The following MAP3K9 variants were observed in gnomAD, a reference collection of about 807,000 sequenced individuals.
MAP3K9 encodes mitogen-activated protein kinase kinase kinase 9.
Under a neutral mutation model 95.8 loss-of-function variants are expected in MAP3K9, and 46 were observed. That is an observed-to-expected ratio of 0.48 (90% confidence interval 0.38 to 0.61). The LOEUF (loss-of-function observed/expected upper bound fraction) is 0.61. Ranked by LOEUF, MAP3K9 falls within the 20% of genes least tolerant of loss-of-function variation. The probability of loss-of-function intolerance (pLI) is 0.00; values close to 1 mark genes in which losing one functional copy is unlikely to be tolerated. For missense variants in MAP3K9, 1,296 were observed against 1,474.3 expected, an observed-to-expected ratio of 0.88 and a Z score of 1.98; for synonymous variants, 533 against 593.8, an observed-to-expected ratio of 0.90 and a Z score of 1.49.
At chr14:70,767,262 T>C (rs1339228297) in intron 2 of MAP3K9, among the ~76,000 whole-genome samples, 1 of 151,778 alleles carries the variant, frequency 6.6e-6, no homozygotes, top group Non-Finnish European at 1.5e-5. Flanking sequence ...CACACACTTG[T>C]AGTCCCAGCT....
chr14:70,747,093 T>C (rs2054157831), intron 5 of MAP3K9, among the ~76,000 whole-genome samples: 1 of 152,254 alleles, frequency 6.6e-6, no homozygotes. Flanking sequence ...CTATGTTCCA[T>C]AAAAAGAGTT....
intron 2 of MAP3K9, among the ~76,000 whole-genome samples, chr14:70,771,704 T>C (rs1038128977): frequency 6.6e-6 from 1 of 152,162 alleles, no homozygotes; most frequent in African/African-American, 2.4e-5. Flanking sequence ...ACCATCCATC[T>C]GAGCTGAAGA....
intron 2 of MAP3K9, among the ~76,000 whole-genome samples, chr14:70,771,013 C>A (rs571391477): frequency 6.6e-6 from 1 of 151,548 alleles, no homozygotes; most frequent in South Asian, 2.1e-4. Flanking sequence ...CAAGTGGCTG[C>A]ATAAAGTAGA....
At chr14:70,747,317 G>A (rs2054161436) in intron 5 of MAP3K9, among the ~76,000 whole-genome samples, 3 of 152,102 alleles carry the variant, frequency 2.0e-5, no homozygotes, top group African/African-American at 2.4e-5. Context: ...TAGTTCTCAC[G>A]AGATCTGATG....
chr14:70,776,668 G>T (rs374522705), intron 2 of MAP3K9, among the ~76,000 whole-genome samples: 1 of 151,998 alleles, frequency 6.6e-6, no homozygotes, highest in Non-Finnish European at 1.5e-5. Flanking sequence ...TATATTTGGC[G>T]CTAGCAGTAG....
chr14:70,732,615 A>G lies in MAP3K9; in HGVS notation c.2754T>C (p.Asp918=). Residue 918 remains aspartate (D), a synonymous_variant, in exon 11 of 12, where the codon GAT becomes GAC. Transcript: ENST00000554752. ...GGAGAGTCTCTGGCTTAAGGGCCCCATCAGAAGGAGTCCGCCGGTGACTGC... is the reference window on the plus strand; with the variant it reads ...GGAGAGTCTCTGGCTTAAGGGCCCCGTCAGAAGGAGTCCGCCGGTGACTGC... ...QPSSHRRTPS[D]GALKPETLLA... 6.2e-7 allele frequency: 1 copy of G among 1,607,352 alleles called. No individual in the cohort carries two copies. Among genetic ancestry groups the G allele is most frequent in the Non-Finnish European group, 8.5e-7 (1 of 1,176,334 alleles).
At position 70,760,990 on chromosome 14, in the gene MAP3K9, C is replaced by A; in HGVS notation, c.1001+12G>T. ...ACCTAGGAAATGCTGTCCCTGCCCC[C>A]CTGGACCTTACCTCCACACATCACT... is the stretch of plus-strand genomic sequence containing the variant. On this transcript the variant is annotated intron_variant, in intron 3 of 11. Transcript: ENST00000554752. 1 of 1,613,118 alleles carries A rather than the reference C, an allele frequency of 6.2e-7. No individual in the cohort carries two copies. The highest frequency in any genetic ancestry group is 1.1e-5 in the South Asian group (1 of 90,978).
At chr14:70,770,284 G>A (rs536792093) in intron 2 of MAP3K9, among the ~76,000 whole-genome samples, 3 of 152,142 alleles carry the variant, frequency 2.0e-5, no homozygotes, top group Non-Finnish European at 4.4e-5. Flanking sequence ...GGGTTCAAGC[G>A]ATTCTCCTGC....
In MAP3K9 at chr14:70,757,438, G is replaced by A. The variant is rs150386984; in HGVS notation, c.1001+3564C>T. On this transcript the variant is annotated intron_variant, in intron 3 of 11. Coordinates refer to ENST00000554752, the MANE Select transcript of MAP3K9 (RefSeq NM_001284230.2). ...ATTACACCACTGCACTCCAGCTCAA[G>A]CAATTGAGACCCTGTCCGAAAAAAA... Among the ~76,000 whole-genome samples the A allele has an allele frequency of 7.1e-3, 953 of 134,760 alleles. 16 individuals are homozygous for A. The highest frequency in any genetic ancestry group is 0.026 in the African/African-American group (885 of 34,552). 88.4% of individuals were successfully genotyped at this position (134,760 alleles called of 152,430 possible). A position where few individuals can be genotyped will look rare whatever the true frequency, so the allele number is the denominator to read the frequency against.
rs2053791203 is a variant in MAP3K9 at position 70,724,350 on chromosome 14, C to G, written c.*6030G>C. The G allele has an allele frequency of 6.6e-6, 1 of 152,116 alleles. No individual in the cohort carries two copies. The highest frequency in any genetic ancestry group is 6.6e-5 in the Admixed American group (1 of 15,266). The allele number at this position is 152,116 out of a possible 1,614,324, so 9.4% of individuals were successfully genotyped here. A position where few individuals can be genotyped will look rare whatever the true frequency, so the allele number is the denominator to read the frequency against. ...TTTCATTGCTGTAAGCCTACACACT[C>G]CTATTTAAATGCGAGCACCGCCAGA... On this transcript the variant is annotated 3_prime_UTR_variant, in exon 12 of 12. Coordinates refer to ENST00000554752, the MANE Select transcript of MAP3K9 (RefSeq NM_001284230.2).
chr14:70,805,082 T>G (rs2054975853), intron 1 of MAP3K9, among the ~76,000 whole-genome samples: 1 of 152,206 alleles, frequency 6.6e-6, no homozygotes, highest in African/African-American at 2.4e-5. Flanking sequence ...CAGCACATTT[T>G]TCAGTTTCTG....
intron 2 of MAP3K9, among the ~76,000 whole-genome samples, chr14:70,788,371 T>C (rs1169072016): frequency 1.3e-5 from 2 of 152,240 alleles, no homozygotes; most frequent in African/African-American, 4.8e-5. Context: ...GCTTATTACG[T>C]GCCAGGCACT....
chr14:70,765,529 A>G (rs2054438384), intron 2 of MAP3K9: 3 of 658,818 alleles, frequency 4.6e-6, no homozygotes, highest in Non-Finnish European at 8.2e-6. Context: ...TCATATTTTT[A>G]CTGTACCTTT....
intron 8 of MAP3K9, among the ~76,000 whole-genome samples, chr14:70,736,514 T>C (rs1859465): frequency 0.045 from 6,892 of 152,194 alleles, 544 homozygotes; most frequent in African/African-American, 0.15. Context: ...ATTTCTTCAA[T>C]AGGAACTAAG....
intron 1 of MAP3K9, among the ~76,000 whole-genome samples, chr14:70,805,893 C>G (rs751337447): frequency 6.6e-6 from 1 of 152,136 alleles, no homozygotes; most frequent in South Asian, 2.1e-4. Context: ...TGCCACTGCA[C>G]TTCAGCCTGG....
intron 2 of MAP3K9, among the ~76,000 whole-genome samples, chr14:70,783,726 G>C (rs1211538901): frequency 6.6e-6 from 1 of 152,184 alleles, no homozygotes; most frequent in Non-Finnish European, 1.5e-5. Flanking sequence ...AGGAGGAATG[G>C]AACTGCTCTC....
rs7156271 is a variant in MAP3K9 at position 70,726,586 on chromosome 14, A to G, written c.*3794T>C. 0.51 allele frequency: 77,536 copies of G among 150,892 alleles called. 20,916 individuals carry two copies. The highest frequency in any genetic ancestry group is 0.62 in the South Asian group (3,001 of 4,816). The allele number at this position is 150,892 out of a possible 1,614,324, so 9.3% of individuals were successfully genotyped here. On this transcript the variant is annotated 3_prime_UTR_variant, in exon 12 of 12. Coordinates refer to ENST00000554752, the MANE Select transcript of MAP3K9 (RefSeq NM_001284230.2). ...TTGGCAGACAGCATCAGACAAGTTA[A>G]GTGGGGGAATTAGGAAAGAATGCTT...
Position 70,760,987 on chromosome 14 carries a change from C to A in MAP3K9, c.1001+15G>T. 1 of 1,610,866 alleles carries A rather than the reference C, an allele frequency of 6.2e-7. No homozygotes were observed. The highest frequency in any genetic ancestry group is 8.5e-7 in the Non-Finnish European group (1 of 1,178,584). On this transcript the variant is annotated intron_variant, in intron 3 of 11. Transcript: ENST00000554752. Reference sequence around the variant, plus strand: ...TGGACCTAGGAAATGCTGTCCCTGCCCCCCTGGACCTTACCTCCACACATC... The same window carrying A: ...TGGACCTAGGAAATGCTGTCCCTGCACCCCTGGACCTTACCTCCACACATC...
chr14:70,749,097 C>A, intron 4 of MAP3K9, 93 bp from the exon 5 acceptor site: 1 of 1,213,210 alleles, frequency 8.2e-7, no homozygotes. Context: ...TCCCAGAAAA[C>A]TACCTCTTAC....
Sources: allele counts gnomAD v4.1 joint callset (sites outside exome capture counted in the v4.1 genomes callset), GRCh38; gene constraint gnomAD v4.1.1; transcripts MANE v1.5; gene names NCBI Gene and HGNC (gene_info 2026-07-23, HGNC 2026-07-21).